FHIT: variants seen among roughly 807,000 people sequenced by gnomAD.
FHIT encodes the protein bis(5'-adenosyl)-triphosphatase.
In FHIT, 19 loss-of-function variants were observed where a neutral mutation model predicts 17.9. The ratio of observed to expected loss-of-function variants is 1.06; its 90% CI spans 0.74 to 1.56. The LOEUF is 1.56. FHIT is among the 40% of genes most tolerant of loss of function. The pLI, the probability that FHIT is intolerant of heterozygous loss-of-function variation, is 0.00. For synonymous variants in FHIT, 81 were observed against 69.7 expected (o/e 1.16, Z -0.81); for missense variants, 248 against 189.2 (o/e 1.31, Z -1.82).
chr3:60,728,438 A>C (rs1553710178), intron 4 of FHIT, among the ~76,000 whole-genome samples: 1 of 152,254 alleles, frequency 6.6e-6, no homozygotes, highest in Non-Finnish European at 1.5e-5. Flanking sequence ...TTTACCATTT[A>C]AGCCTTTCCT....
At chr3:60,309,039 G>A (rs186547893) in intron 5 of FHIT, among the ~76,000 whole-genome samples, 30 of 152,216 alleles carry the variant, frequency 2.0e-4, no homozygotes, top group South Asian at 1.9e-3. Flanking sequence ...CCTTAGTGCC[G>A]TCACCTCTGG....
At chr3:59,928,066 C>A (rs1480719139) in intron 7 of FHIT, among the ~76,000 whole-genome samples, 1 of 152,116 alleles carries the variant, frequency 6.6e-6, no homozygotes, top group Non-Finnish European at 1.5e-5. Flanking sequence ...GGCTGAAGAG[C>A]TACCCTGCTC....
At chr3:59,945,837 T>G (rs1481334774) in intron 7 of FHIT, among the ~76,000 whole-genome samples, 1 of 152,196 alleles carries the variant, frequency 6.6e-6, no homozygotes, top group African/African-American at 2.4e-5. Context: ...CAGATGGTTG[T>G]AGGTTTGCAG....
At chr3:61,181,059 C>T (rs1044313285) in intron 2 of FHIT, among the ~76,000 whole-genome samples, 24 of 152,100 alleles carry the variant, frequency 1.6e-4, no homozygotes, top group African/African-American at 5.1e-4. Flanking sequence ...ATACCAAATA[C>T]AAGGAAAGTA....
At chr3:60,984,186 G>T (rs968381598) in intron 3 of FHIT, among the ~76,000 whole-genome samples, 6 of 152,144 alleles carry the variant, frequency 3.9e-5, no homozygotes, top group African/African-American at 1.4e-4. Context: ...TCATCATTCT[G>T]TATTTGATGA....
At chr3:60,459,895 C>G (rs6797839) in intron 5 of FHIT, among the ~76,000 whole-genome samples, 77,295 of 151,584 alleles carry the variant, frequency 0.51, 22,255 homozygotes, top group African/African-American at 0.78. Flanking sequence ...GTGAGCAGGG[C>G]AATCTACTGC....
chr3:59,945,369 T>C (rs1192131420), intron 7 of FHIT, among the ~76,000 whole-genome samples: 1 of 152,128 alleles, frequency 6.6e-6, no homozygotes, highest in African/African-American at 2.4e-5. Flanking sequence ...TTAAATAGGG[T>C]TGTTTTTGCT....
At chr3:60,452,699 A>G (rs1158480220) in intron 5 of FHIT, among the ~76,000 whole-genome samples, 2 of 152,194 alleles carry the variant, frequency 1.3e-5, no homozygotes, top group African/African-American at 2.4e-5. Context: ...AATTTGCTCA[A>G]TAACCCCTGT....
chr3:60,375,452 G>A (rs1050765849), intron 5 of FHIT, among the ~76,000 whole-genome samples: 1 of 151,588 alleles, frequency 6.6e-6, no homozygotes, highest in Non-Finnish European at 1.5e-5. Flanking sequence ...GTGTACACCA[G>A]TAACCCCAGC....
At chr3:60,523,137 C>T (rs114016079) in intron 5 of FHIT, among the ~76,000 whole-genome samples, 72 of 152,256 alleles carry the variant, frequency 4.7e-4, no homozygotes, top group East Asian at 2.5e-3. Flanking sequence ...TTATCTCCCA[C>T]GGGCTCCCTC....
intron 1 of FHIT, among the ~76,000 whole-genome samples, chr3:61,203,068 T>C (rs1400188589): frequency 6.6e-6 from 1 of 151,482 alleles, no homozygotes; most frequent in African/African-American, 2.4e-5. Flanking sequence ...TAGTCCCAGC[T>C]ACTTGGGAGG....
In FHIT at chr3:61,023,424, T is replaced by C. The variant is rs376268753; in HGVS notation, c.-111+18623A>G. ...GTGAAAATGGCCATACTGCCCAAAGTAATTTATAGATTCAATGCCATCCCC... is the reference window on the plus strand; with the variant it reads ...GTGAAAATGGCCATACTGCCCAAAGCAATTTATAGATTCAATGCCATCCCC... On this transcript the variant is annotated intron_variant, in intron 3 of 9. Transcript: ENST00000492590. Among the ~76,000 whole-genome samples the C allele has an allele frequency of 2.6e-5, 4 of 152,162 alleles. No individual in the cohort carries two copies. In the East Asian group the frequency reaches 5.8e-4, roughly 22 times the overall value.
intron 5 of FHIT, among the ~76,000 whole-genome samples, chr3:60,231,557 C>A (rs1704498028): frequency 6.6e-6 from 1 of 152,154 alleles, no homozygotes. Context: ...TATCACTGAA[C>A]AAGACACCAT....
At chr3:60,890,221 T>TAAAAAAAAAAAAAAAAAA (rs59950717) in intron 3 of FHIT, among the ~76,000 whole-genome samples, 13 of 115,636 alleles carry the variant, frequency 1.1e-4, no homozygotes, top group South Asian at 2.9e-4. Context: ...TTCCATGATG[T>TAAAAAAAAAAAAAAAAAA]AAAAAAAAAA....
chr3:60,129,964 C>G (rs1451517326), intron 5 of FHIT, among the ~76,000 whole-genome samples: 1 of 152,122 alleles, frequency 6.6e-6, no homozygotes, highest in Non-Finnish European at 1.5e-5. Context: ...TTACATTTCT[C>G]TTTAGGATTA....
chr3:59,868,080 T>A (rs1702742052), intron 8 of FHIT, among the ~76,000 whole-genome samples: 1 of 151,648 alleles, frequency 6.6e-6, no homozygotes, highest in Non-Finnish European at 1.5e-5. Flanking sequence ...TTCATTGTGT[T>A]TTGCCAGAAT....
chr3:61,119,501 A>G (rs1193090410), intron 2 of FHIT, among the ~76,000 whole-genome samples: 1 of 152,182 alleles, frequency 6.6e-6, no homozygotes, highest in East Asian at 1.9e-4. Context: ...GGCACAAGCC[A>G]CCGTGCCCAG....
intron 3 of FHIT, among the ~76,000 whole-genome samples, chr3:60,838,134 GTGT>G (rs1431647982): frequency 1.3e-5 from 2 of 152,076 alleles, no homozygotes; most frequent in African/African-American, 4.8e-5. Context: ...GAGTCTCACC[GTGT>G]CATCCAGGCT....
intron 5 of FHIT, among the ~76,000 whole-genome samples, chr3:60,382,991 C>T (rs1024194864): frequency 6.6e-6 from 1 of 152,184 alleles, no homozygotes; most frequent in Non-Finnish European, 1.5e-5. Context: ...ACACAAGCAT[C>T]TGTATTAATA....
Sources: gnomAD v4.1 joint callset for allele counts (sites outside exome capture counted in the v4.1 genomes callset) on GRCh38, gnomAD v4.1.1 for gene constraint, MANE v1.5 for transcripts, NCBI Gene and HGNC (gene_info 2026-07-23, HGNC 2026-07-21) for gene names.